Variants in SLC39A11 observed in about 807,000 individuals in gnomAD.
SLC39A11 encodes solute carrier family 39 member 11, also known as zinc transporter ZIP11.
In SLC39A11, 33 loss-of-function variants were observed where a neutral mutation model predicts 36.1. The observed-to-expected ratio is 0.91, with a 90% CI of 0.69 to 1.22. The LOEUF (loss-of-function observed/expected upper bound fraction) is 1.22. Ranked by LOEUF, SLC39A11 falls within the 50% of genes most tolerant of loss-of-function variation. The pLI is 0.00. For missense variants in SLC39A11, 432 were observed against 430.3 expected (o/e 1.00, Z -0.03); for synonymous variants, 166 against 170.3 (o/e 0.97, Z 0.20).
At position 73,088,746 on chromosome 17, in the gene SLC39A11, AGCTGTG is replaced by A. The variant is rs777299994; in HGVS notation, c.13_18del (p.His5_Ser6del). The A allele has an allele frequency of 3.1e-6, 5 of 1,608,276 alleles. No individual in the cohort carries two copies. The African/African-American group carries it at 6.7e-5, about 22-fold the overall frequency. ...GTCCCCAGCAAGGCCTGGAACACAG[AGCTGTG>A]GCCTTGGAGCATGCTGGATACAGCT... On this transcript the variant is annotated inframe_deletion, in exon 2 of 10. Transcript: ENST00000255559.
chr17:72,737,622 T>C (rs565101509), intron 6 of SLC39A11, among the ~76,000 whole-genome samples: 1 of 152,208 alleles, frequency 6.6e-6, no homozygotes, highest in South Asian at 2.1e-4. Flanking sequence ...TAGGTCCTCA[T>C]AGTTGCAAAG....
intron 6 of SLC39A11, among the ~76,000 whole-genome samples, chr17:72,785,183 T>C (rs1257416576): frequency 6.6e-6 from 1 of 152,154 alleles, no homozygotes. Flanking sequence ...CAGTCTCAGG[T>C]ATTTCTTTAT....
chr17:72,901,962 G>T (rs1303761460), intron 5 of SLC39A11, among the ~76,000 whole-genome samples: 2 of 152,150 alleles, frequency 1.3e-5, no homozygotes, highest in Non-Finnish European at 2.9e-5. Context: ...CTCAAAGCCA[G>T]TGATGGTATC....
intron 4 of SLC39A11, among the ~76,000 whole-genome samples, chr17:72,967,289 C>T (rs2087060851): frequency 6.6e-6 from 1 of 151,164 alleles, no homozygotes; most frequent in Non-Finnish European, 1.5e-5. Context: ...AGGCTAGGGA[C>T]TACTATGCTA....
chr17:72,872,404 G>A (rs1037659334), intron 5 of SLC39A11, among the ~76,000 whole-genome samples: 3 of 152,102 alleles, frequency 2.0e-5, no homozygotes, highest in South Asian at 2.1e-4. Flanking sequence ...TTCGACAGAC[G>A]GGTACAACCC....
chr17:72,837,852 A>G, intron 6 of SLC39A11: 4 of 909,220 alleles, frequency 4.4e-6, no homozygotes, highest in Non-Finnish European at 4.3e-6. Flanking sequence ...GAAACTGTAG[A>G]GACAAAGTAG....
chr17:72,732,040 C>CTTTTCTTTTCTTTTTT (rs1555651341), intron 7 of SLC39A11, among the ~76,000 whole-genome samples: 2 of 33,654 alleles, frequency 5.9e-5, no homozygotes, highest in African/African-American at 2.4e-4. Flanking sequence ...CTTTTCTTTT[C>CTTTTCTTTTCTTTTTT]TTTTTTTTTT....
chr17:73,041,600 C>T (rs538032637), intron 3 of SLC39A11, among the ~76,000 whole-genome samples: 1 of 152,358 alleles, frequency 6.6e-6, no homozygotes, highest in African/African-American at 2.4e-5. Flanking sequence ...AGTTTATGTG[C>T]TGGAATGGGG....
chr17:72,876,237 T>C (rs1057154628), intron 5 of SLC39A11, among the ~76,000 whole-genome samples: 3 of 152,120 alleles, frequency 2.0e-5, no homozygotes, highest in South Asian at 4.2e-4. Flanking sequence ...AATTGGATTA[T>C]GGTGGTCAAA....
chr17:72,886,903 C>T (rs771036492), intron 5 of SLC39A11, among the ~76,000 whole-genome samples: 3 of 152,170 alleles, frequency 2.0e-5, no homozygotes, highest in Non-Finnish European at 4.4e-5. Context: ...TCTTCACACT[C>T]ACTCTTGGCA....
At chr17:73,034,710 A>C (rs572871425) in intron 3 of SLC39A11, among the ~76,000 whole-genome samples, 1 of 151,894 alleles carries the variant, frequency 6.6e-6, no homozygotes, top group Non-Finnish European at 1.5e-5. Context: ...GACGTCCCCA[A>C]CCTCTGCTCT....
chr17:72,666,352 C>G (rs1040437778), intron 7 of SLC39A11, among the ~76,000 whole-genome samples: 1 of 152,220 alleles, frequency 6.6e-6, no homozygotes, highest in Non-Finnish European at 1.5e-5. Context: ...AGAGGAAACT[C>G]CAAAACGGCT....
chr17:72,832,985 A>G (rs758332298), intron 6 of SLC39A11, among the ~76,000 whole-genome samples: 1 of 152,228 alleles, frequency 6.6e-6, no homozygotes, highest in African/African-American at 2.4e-5. Context: ...CAAAGTAGCC[A>G]GGTATTTCAA....
At chr17:72,875,482 C>T (rs2080854528) in intron 5 of SLC39A11, among the ~76,000 whole-genome samples, 2 of 152,140 alleles carry the variant, frequency 1.3e-5, no homozygotes, top group African/African-American at 4.8e-5. Flanking sequence ...AGCTAATTTG[C>T]AAAGTGAGAC....
chr17:72,862,532 A>G (rs2146247777), intron 5 of SLC39A11, among the ~76,000 whole-genome samples: 1 of 152,282 alleles, frequency 6.6e-6, no homozygotes. Flanking sequence ...TTAGACAAGG[A>G]CCACAGGGAC....
intron 6 of SLC39A11, among the ~76,000 whole-genome samples, chr17:72,781,123 T>G (rs2076303201): frequency 6.6e-6 from 1 of 152,216 alleles, no homozygotes; most frequent in Non-Finnish European, 1.5e-5. Flanking sequence ...CTTCACTTAT[T>G]TTACCATCAC....
intron 6 of SLC39A11, among the ~76,000 whole-genome samples, chr17:72,760,037 AT>A (rs1409276385): frequency 6.6e-6 from 1 of 151,876 alleles, no homozygotes; most frequent in Non-Finnish European, 1.5e-5. Flanking sequence ...AGCATATTTT[AT>A]TTTTTTGACA....
intron 7 of SLC39A11, among the ~76,000 whole-genome samples, chr17:72,692,071 C>T (rs974271122): frequency 3.3e-5 from 5 of 150,276 alleles, no homozygotes; most frequent in South Asian, 2.1e-4. Flanking sequence ...AGTGCAGTGG[C>T]GCGATCTCGG....
At chr17:72,771,057 C>CT (rs4036978) in intron 6 of SLC39A11, among the ~76,000 whole-genome samples, 3,277 of 145,118 alleles carry the variant, frequency 0.023, 85 homozygotes, top group African/African-American at 0.069. Flanking sequence ...CATTTCTATA[C>CT]TTTTTTTTTT....
Sources: allele counts gnomAD v4.1 joint callset (sites outside exome capture counted in the v4.1 genomes callset), GRCh38; gene constraint gnomAD v4.1.1; transcripts MANE v1.5; gene names NCBI Gene and HGNC (gene_info 2026-07-23, HGNC 2026-07-21).